Variants in NCAM2 observed in about 807,000 individuals in gnomAD.
NCAM2 encodes N-CAM-2.
In NCAM2, 30 loss-of-function variants were observed where a neutral mutation model predicts 98.1. The observed-to-expected ratio is 0.31, with a 90% confidence interval of 0.23 to 0.41. NCAM2 has a LOEUF of 0.41. NCAM2 is among the 10% of genes least tolerant of loss of function. The pLI is 1.00. For synonymous variants in NCAM2, 368 were observed against 342.4 expected, an observed-to-expected ratio of 1.07 and a Z score of -0.83; for missense variants, 867 against 1,005.8, an observed-to-expected ratio of 0.86 and a Z score of 1.87.
At chr21:21,463,517 C>T (rs1983271390) in intron 12 of NCAM2, among the ~76,000 whole-genome samples, 1 of 152,034 alleles carries the variant, frequency 6.6e-6, no homozygotes, top group Admixed American at 6.6e-5. Flanking sequence ...CTCTCTTTGG[C>T]CAGCTTTCAG....
At chr21:21,524,566 T>C (rs889774726) in intron 16 of NCAM2, among the ~76,000 whole-genome samples, 2 of 145,400 alleles carry the variant, frequency 1.4e-5, no homozygotes, top group South Asian at 4.3e-4. Context: ...AATACAAAGA[T>C]AAAAAGAAAA....
intron 16 of NCAM2, among the ~76,000 whole-genome samples, chr21:21,525,644 G>A (rs767941525): frequency 6.6e-6 from 1 of 152,038 alleles, no homozygotes; most frequent in African/African-American, 2.4e-5. Context: ...GAAATAGAGA[G>A]AATACTTTCT....
intron 1 of NCAM2, among the ~76,000 whole-genome samples, chr21:21,140,837 T>G (rs1159635212): frequency 6.6e-6 from 1 of 152,176 alleles, no homozygotes; most frequent in Non-Finnish European, 1.5e-5. Context: ...TCAAATTAAT[T>G]CATTGATAAA....
chr21:21,465,127 G>A (rs1983511082), intron 12 of NCAM2, among the ~76,000 whole-genome samples: 1 of 152,078 alleles, frequency 6.6e-6, no homozygotes, highest in South Asian at 2.1e-4. Context: ...CATCTGTACA[G>A]GATTAAGTAA....
intron 1 of NCAM2, among the ~76,000 whole-genome samples, chr21:21,198,361 G>A (rs61292415): frequency 6.6e-6 from 1 of 151,932 alleles, no homozygotes; most frequent in South Asian, 2.1e-4. Flanking sequence ...TAATCATGTA[G>A]AATACAGTGG....
At chr21:21,082,271 G>A (rs1601315452) in intron 1 of NCAM2, among the ~76,000 whole-genome samples, 3 of 77,598 alleles carry the variant, frequency 3.9e-5, no homozygotes, top group African/African-American at 1.1e-4. Context: ...GTACCTATCA[G>A]AGCTCAAAAC....
intron 8 of NCAM2, among the ~76,000 whole-genome samples, chr21:21,352,826 TAAAAA>T (rs377003114): frequency 1.5e-5 from 2 of 135,142 alleles, no homozygotes; most frequent in Admixed American, 1.5e-4. Flanking sequence ...ATTAGAAAAT[TAAAAA>T]AAAAAAAAAA....
intron 6 of NCAM2, among the ~76,000 whole-genome samples, chr21:21,334,067 G>C (rs1034861901): frequency 1.3e-5 from 2 of 151,948 alleles, no homozygotes; most frequent in Non-Finnish European, 2.9e-5. Flanking sequence ...GGAGTAGCTG[G>C]GATTACAGGC....
chr21:21,354,464 A>G (rs919420881), intron 8 of NCAM2, among the ~76,000 whole-genome samples: 3 of 152,208 alleles, frequency 2.0e-5, no homozygotes, highest in African/African-American at 7.2e-5. Context: ...TAAAAGTATG[A>G]TACATATGCC....
chr21:21,405,251 T>C (rs1290039012), intron 9 of NCAM2, among the ~76,000 whole-genome samples: 2 of 152,030 alleles, frequency 1.3e-5, no homozygotes, highest in African/African-American at 4.8e-5. Flanking sequence ...ATATTCTCAA[T>C]GAAAAAAATG....
chr21:21,477,134 G>GCTTAAAATCA (rs1259425474), intron 14 of NCAM2, among the ~76,000 whole-genome samples, 157 bp from the exon 15 acceptor site: 17 of 151,968 alleles, frequency 1.1e-4, no homozygotes, highest in Non-Finnish European at 4.4e-5. Flanking sequence ...AATAATACTG[G>GCTTAAAATCA]CTTCATTGAC....
At chr21:21,011,494 C>G (rs1402268962) in intron 1 of NCAM2, among the ~76,000 whole-genome samples, 1 of 151,994 alleles carries the variant, frequency 6.6e-6, no homozygotes, top group Non-Finnish European at 1.5e-5. Flanking sequence ...CAGTATATGG[C>G]ATGATTTTTT....
intron 1 of NCAM2, among the ~76,000 whole-genome samples, chr21:21,084,741 A>G (rs985700612): frequency 1.2e-4 from 18 of 152,128 alleles, no homozygotes; most frequent in African/African-American, 4.1e-4. Flanking sequence ...TTTTCCCCTC[A>G]AGTCTTTTGT....
At chr21:21,054,887 A>C (rs2065182810) in intron 1 of NCAM2, among the ~76,000 whole-genome samples, 2 of 151,958 alleles carry the variant, frequency 1.3e-5, no homozygotes, top group African/African-American at 2.4e-5. Flanking sequence ...CTGCCTCATA[A>C]ATTTTTAAAT....
intron 16 of NCAM2, among the ~76,000 whole-genome samples, chr21:21,533,601 T>C (rs1170230598): frequency 1.3e-5 from 2 of 151,776 alleles, no homozygotes; most frequent in African/African-American, 2.4e-5. Flanking sequence ...AACATTCATA[T>C]GAAGACTGTT....
intron 15 of NCAM2, among the ~76,000 whole-genome samples, chr21:21,482,289 A>G (rs1985961230): frequency 2.0e-5 from 3 of 152,132 alleles, no homozygotes. Context: ...TATAGAGTTA[A>G]CATTATATAT....
intron 11 of NCAM2, among the ~76,000 whole-genome samples, chr21:21,425,121 T>G (rs954600737): frequency 2.6e-5 from 4 of 151,498 alleles, no homozygotes; most frequent in Non-Finnish European, 5.9e-5. Flanking sequence ...TTGGAGATTT[T>G]TATTCATAAA....
At chr21:21,395,323 C>G (rs969583314) in intron 9 of NCAM2, among the ~76,000 whole-genome samples, 4 of 151,668 alleles carry the variant, frequency 2.6e-5, no homozygotes, top group African/African-American at 9.7e-5. Context: ...GCCGGGACAG[C>G]AGAGCAAGAC....
intron 9 of NCAM2, among the ~76,000 whole-genome samples, chr21:21,390,099 C>T (rs773529614): frequency 1.3e-5 from 2 of 152,150 alleles, no homozygotes; most frequent in African/African-American, 4.8e-5. Context: ...CCACCCTCCT[C>T]GGCCTCCCAA....
Sources: allele counts gnomAD v4.1 joint callset (sites outside exome capture counted in the v4.1 genomes callset), GRCh38; gene constraint gnomAD v4.1.1; transcripts MANE v1.5; gene names NCBI Gene and HGNC (gene_info 2026-07-23, HGNC 2026-07-21).